ARHGAP6: variants seen among roughly 807,000 people sequenced by gnomAD.
ARHGAP6 encodes rho GTPase-activating protein 6.
Under a neutral mutation model 55.7 loss-of-function variants are expected in ARHGAP6, and 16 were observed. The ratio of observed to expected loss-of-function variants is 0.29; its 90% CI spans 0.19 to 0.44. ARHGAP6 has a LOEUF of 0.44. Among genes scored for constraint, ARHGAP6 ranks in the 20% least tolerant of loss-of-function variants. The pLI is 1.00. For missense variants in ARHGAP6, 698 were observed against 808.9 expected (o/e 0.86, Z 1.66); for synonymous variants, 382 against 360.9 (o/e 1.06, Z -0.66).
chrX:11,353,549 A>AGTGTGTGTGT (rs200177159), intron 1 of ARHGAP6, among the ~76,000 whole-genome samples: 15 of 82,473 alleles, frequency 1.8e-4, no homozygotes, highest in East Asian at 7.7e-4. Flanking sequence ...TATTGCTTAT[A>AGTGTGTGTGT]GTGTGTGTGT....
chrX:11,567,566 A>AAAAAAAAGAAATATATATATAT (rs1440758737), intron 1 of ARHGAP6, among the ~76,000 whole-genome samples: 1 of 84,403 alleles, frequency 1.2e-5, no homozygotes, highest in African/African-American at 4.7e-5. Flanking sequence ...AAAAAAAAAA[A>AAAAAAAAGAAATATATATATAT]ATATATATAT....
intron 6 of ARHGAP6, among the ~76,000 whole-genome samples, chrX:11,179,745 CATATATATGTATATGTATACAT>C (rs999117968): frequency 2.2e-5 from 2 of 91,128 alleles, no homozygotes; most frequent in African/African-American, 4.3e-5. Flanking sequence ...TATGTATATA[CATATATATGTATATGTATACAT>C]ATATATATAT....
rs776972480 is a variant in ARHGAP6, at chrX:11,151,260, CTT to C, written c.1907+5267_1907+5268del. Among the ~76,000 whole-genome samples the C allele has an allele frequency of 2.8e-3, 277 of 99,071 alleles. 3 individuals carry two copies. The highest frequency in any genetic ancestry group is 9.5e-3 in the African/African-American group (258 of 27,133). The allele number at this position is 99,071 out of a possible 115,157, so 86.0% of individuals were successfully genotyped here. A position where few individuals can be genotyped will look rare whatever the true frequency, so the allele number is the denominator to read the frequency against. ...TTTTTAAAAATCAAAGTCTTGCTTT[CTT>C]TTTTTTTTTTTTTCCCCCTAGAGAC... On this transcript the variant is annotated intron_variant, in intron 10 of 12. Transcript: ENST00000337414.
At chrX:11,299,478 T>G (rs901817558) in intron 1 of ARHGAP6, among the ~76,000 whole-genome samples, 1 of 112,002 alleles carries the variant, frequency 8.9e-6, no homozygotes, top group African/African-American at 3.2e-5. Context: ...TCCAGTAGTT[T>G]TCAATCTAAC....
intron 1 of ARHGAP6, among the ~76,000 whole-genome samples, chrX:11,424,348 C>A (rs1236430328): frequency 4.4e-5 from 5 of 112,468 alleles, no homozygotes; most frequent in Non-Finnish European, 9.4e-5. Flanking sequence ...AGACTGTGTT[C>A]AAATATTTTG....
At chrX:11,434,060 C>G (rs2049964602) in intron 1 of ARHGAP6, among the ~76,000 whole-genome samples, 1 of 111,592 alleles carries the variant, frequency 9.0e-6, no homozygotes, top group African/African-American at 3.3e-5. Context: ...TTGGCAATAT[C>G]TGAAGCTATC....
intron 1 of ARHGAP6, among the ~76,000 whole-genome samples, chrX:11,288,245 C>T (rs754107397): frequency 1.8e-5 from 2 of 111,875 alleles, no homozygotes; most frequent in East Asian, 2.8e-4. Flanking sequence ...AGAATATACC[C>T]GGCATGCGGG....
chrX:11,424,385 G>A (rs1406657114), intron 1 of ARHGAP6, among the ~76,000 whole-genome samples: 1 of 112,593 alleles, frequency 8.9e-6, no homozygotes, highest in Non-Finnish European at 1.9e-5. Context: ...GTAACAAGGA[G>A]GGAAATATCA....
intron 1 of ARHGAP6, among the ~76,000 whole-genome samples, chrX:11,374,460 A>G (rs1354975908): frequency 8.9e-6 from 1 of 112,119 alleles, no homozygotes; most frequent in Admixed American, 9.5e-5. Context: ...TTTCTATTGG[A>G]CAATGCTGTA....
intron 1 of ARHGAP6, among the ~76,000 whole-genome samples, chrX:11,501,792 T>C (rs748695000): frequency 2.7e-5 from 3 of 111,465 alleles, no homozygotes; most frequent in Non-Finnish European, 3.8e-5. Flanking sequence ...TAGGAGTGGA[T>C]AGTCATAAAG....
At position 11,354,295 on chromosome X, in the gene ARHGAP6, T is replaced by TTCTCTC. The variant is rs1206233633; in HGVS notation, c.589-99594_589-99589dup. 7.0e-3 allele frequency among the ~76,000 whole-genome samples: 289 copies of TTCTCTC among 41,002 alleles called. 3 individuals are homozygous for TTCTCTC. Among genetic ancestry groups the TTCTCTC allele is most frequent in the Non-Finnish European group, 7.4e-3 (180 of 24,289 alleles). The allele number at this position is 41,002 out of a possible 115,157, so 35.6% of individuals were successfully genotyped here. ...TCTCTCTCTCTCTCTCTCTCTCTCTTTCTCTCTCTCTCTCTCTCTCTCTCT... is the reference window on the plus strand; with the variant it reads ...TCTCTCTCTCTCTCTCTCTCTCTCTTTCTCTCTCTCTCTCTCTCTCTCTCTCTCTCT... On this transcript the variant is annotated intron_variant, in intron 1 of 12. Transcript: ENST00000337414.
intron 1 of ARHGAP6, among the ~76,000 whole-genome samples, chrX:11,289,595 T>C (rs1435620936): frequency 8.9e-6 from 1 of 112,165 alleles, no homozygotes; most frequent in Admixed American, 9.4e-5. Flanking sequence ...AACATCTTTT[T>C]ATGTTGACAA....
intron 1 of ARHGAP6, among the ~76,000 whole-genome samples, chrX:11,420,682 A>C (rs1486374738): frequency 9.1e-6 from 1 of 110,284 alleles, no homozygotes; most frequent in Non-Finnish European, 1.9e-5. Flanking sequence ...TCTTTCAGCA[A>C]CTCTTCCCTT....
intron 2 of ARHGAP6, among the ~76,000 whole-genome samples, chrX:11,246,106 G>A (rs1602951941): frequency 9.0e-6 from 1 of 110,691 alleles, no homozygotes; most frequent in Non-Finnish European, 1.9e-5. Flanking sequence ...AAAGTAGGTA[G>A]GGGTTCTATG....
chrX:11,336,175 C>T (rs1262109034), intron 1 of ARHGAP6, among the ~76,000 whole-genome samples: 2 of 111,665 alleles, frequency 1.8e-5, no homozygotes, highest in Non-Finnish European at 3.8e-5. Flanking sequence ...TAATTTAGCA[C>T]ACAGAGAATG....
chrX:11,517,344 G>A (rs1466588638), intron 1 of ARHGAP6, among the ~76,000 whole-genome samples: 3 of 111,691 alleles, frequency 2.7e-5, no homozygotes, highest in South Asian at 3.7e-4. Context: ...AGCGTATTAC[G>A]TACTCTCCCC....
At chrX:11,561,269 C>T (rs1449676777) in intron 1 of ARHGAP6, among the ~76,000 whole-genome samples, 4 of 111,784 alleles carry the variant, frequency 3.6e-5, no homozygotes, top group Non-Finnish European at 7.5e-5. Context: ...CACTATAAAA[C>T]CCTTAAAAAC....
At chrX:11,450,239 T>A (rs1023120930) in intron 1 of ARHGAP6, among the ~76,000 whole-genome samples, 4 of 108,498 alleles carry the variant, frequency 3.7e-5, no homozygotes, top group African/African-American at 1.3e-4. Flanking sequence ...TGTGTGTGTG[T>A]GTGTTCTTTT....
chrX:11,570,736 T>C (rs770519111), intron 1 of ARHGAP6, among the ~76,000 whole-genome samples: 1 of 111,905 alleles, frequency 8.9e-6, no homozygotes, highest in African/African-American at 3.2e-5. Context: ...GGTGCATAAT[T>C]TTTAAACACT....
Sources: gnomAD v4.1 joint callset for allele counts (sites outside exome capture counted in the v4.1 genomes callset) on GRCh38, gnomAD v4.1.1 for gene constraint, MANE v1.5 for transcripts, NCBI Gene and HGNC (gene_info 2026-07-23, HGNC 2026-07-21) for gene names.